NKAIN2: variants seen among roughly 807,000 people sequenced by gnomAD.
The protein encoded by NKAIN2 is sodium/potassium transporting ATPase interacting 2, also known as sodium/potassium-transporting ATPase subunit beta-1-interacting protein 2.
Under a neutral mutation model 32.6 loss-of-function variants are expected in NKAIN2, and 14 were observed. That is an observed-to-expected ratio of 0.43 (90% CI 0.28 to 0.67). NKAIN2 has a LOEUF of 0.67. Among genes scored for constraint, NKAIN2 ranks in the 30% least tolerant of loss-of-function variants. NKAIN2 has a pLI of 0.17. For synonymous variants in NKAIN2, 80 were observed against 87.2 expected, an observed-to-expected ratio of 0.92 and a Z score of 0.46; for missense variants, 198 against 258.3, an observed-to-expected ratio of 0.77 and a Z score of 1.60.
intron 2 of NKAIN2, among the ~76,000 whole-genome samples, chr6:124,341,849 C>A (rs922064421): frequency 2.6e-5 from 4 of 152,252 alleles, no homozygotes; most frequent in South Asian, 4.1e-4. Context: ...TGAATTAGAA[C>A]ACAAGATTTA....
chr6:124,408,579 A>G (rs1406321757), intron 3 of NKAIN2, among the ~76,000 whole-genome samples: 5 of 152,150 alleles, frequency 3.3e-5, no homozygotes, highest in Non-Finnish European at 5.9e-5. Context: ...TACCAGTACC[A>G]TGCTGTTTTG....
In NKAIN2 at chr6:123,991,946, C is replaced by G. The variant is rs1779431551; in HGVS notation, c.54+187692C>G. Among the ~76,000 whole-genome samples the G allele has an allele frequency of 2.6e-5, 4 of 151,722 alleles. No homozygotes were observed. In the South Asian group the frequency reaches 8.3e-4, roughly 32 times the overall value. On this transcript the variant is annotated intron_variant, in intron 1 of 6. Coordinates refer to ENST00000368417, the MANE Select transcript of NKAIN2 (RefSeq NM_001040214.3). ...AAGGGAGAGGAAAAAGTCTCATTTT[C>G]TTCTATAGGTTGGCTAGGTTAAAAA...
intron 1 of NKAIN2, among the ~76,000 whole-genome samples, chr6:124,066,384 G>A (rs1211429436): frequency 6.6e-6 from 1 of 151,930 alleles, no homozygotes; most frequent in Non-Finnish European, 1.5e-5. Flanking sequence ...TCCTTTTCTG[G>A]TTGTGGCTCC....
chr6:124,175,764 G>C (rs1789124709), intron 1 of NKAIN2, among the ~76,000 whole-genome samples: 1 of 151,760 alleles, frequency 6.6e-6, no homozygotes, highest in African/African-American at 2.4e-5. Flanking sequence ...AGCCTCACTG[G>C]GTTTTCAACA....
chr6:124,627,996 C>T (rs1209286975), intron 3 of NKAIN2, among the ~76,000 whole-genome samples: 1 of 152,176 alleles, frequency 6.6e-6, no homozygotes, highest in Non-Finnish European at 1.5e-5. Context: ...CATTCACATA[C>T]ATACACACGT....
intron 5 of NKAIN2, among the ~76,000 whole-genome samples, chr6:124,795,627 G>A (rs897240529): frequency 6.6e-6 from 1 of 152,144 alleles, no homozygotes; most frequent in African/African-American, 2.4e-5. Context: ...ATAAATGACA[G>A]AAATTTATTT....
intron 1 of NKAIN2, among the ~76,000 whole-genome samples, chr6:123,971,613 T>G (rs1017042640): frequency 6.6e-6 from 1 of 152,132 alleles, no homozygotes; most frequent in Non-Finnish European, 1.5e-5. Context: ...TAAAGTTATC[T>G]CCCTTAGGAA....
intron 1 of NKAIN2, among the ~76,000 whole-genome samples, chr6:124,224,557 A>G (rs1792008294): frequency 1.3e-5 from 2 of 152,068 alleles, no homozygotes; most frequent in South Asian, 4.1e-4. Flanking sequence ...ACTGTTCTGG[A>G]CAAAAATCAT....
intron 4 of NKAIN2, among the ~76,000 whole-genome samples, chr6:124,712,613 G>C (rs574691861): frequency 6.7e-6 from 1 of 149,054 alleles, no homozygotes; most frequent in Non-Finnish European, 1.5e-5. Flanking sequence ...TCTTTGAGTC[G>C]GAAAGGGAAC....
intron 1 of NKAIN2, among the ~76,000 whole-genome samples, chr6:124,166,343 C>G (rs1030046433): frequency 6.6e-6 from 1 of 152,108 alleles, no homozygotes; most frequent in Non-Finnish European, 1.5e-5. Context: ...TCATTTCCTT[C>G]GCCCACTTGT....
In NKAIN2 at chr6:124,658,361, A is replaced by G; in HGVS notation, c.449A>G (p.His150Arg). The change falls in exon 4 of 7, where the codon CAT becomes CGT. Residue 150 changes from histidine (H) to arginine (R), a missense_variant. By Grantham distance (29) the His-to-Arg change is conservative. Transcript: ENST00000368417. The part of the protein sequence containing the change: ...LLEYQYIEVA[H>R]SSLQIVLALA... ...GAGTACCAGTACATAGAAGTGGCTCATAGTTCCCTCCAGATTGTCCTCGCA... is the reference window on the plus strand; with the variant it reads ...GAGTACCAGTACATAGAAGTGGCTCGTAGTTCCCTCCAGATTGTCCTCGCA... 6.2e-7 allele frequency: 1 copy of G among 1,614,060 alleles called. No homozygotes were observed. Among genetic ancestry groups the G allele is most frequent in the Non-Finnish European group, 8.5e-7 (1 of 1,179,960 alleles).
At chr6:124,265,061 G>T (rs1794429143) in intron 1 of NKAIN2, among the ~76,000 whole-genome samples, 1 of 151,834 alleles carries the variant, frequency 6.6e-6, no homozygotes, top group Admixed American at 6.6e-5. Flanking sequence ...CTATATACGT[G>T]GATGTACACA....
At chr6:124,687,743 T>TATACACACACAC (rs1554251784) in intron 4 of NKAIN2, among the ~76,000 whole-genome samples, 142 of 104,370 alleles carry the variant, frequency 1.4e-3, no homozygotes, top group African/African-American at 3.5e-3. Flanking sequence ...ATATGATATA[T>TATACACACACAC]ACACACACAC....
At chr6:124,104,834 G>A (rs1345692902) in intron 1 of NKAIN2, among the ~76,000 whole-genome samples, 2 of 152,140 alleles carry the variant, frequency 1.3e-5, no homozygotes, top group Non-Finnish European at 2.9e-5. Flanking sequence ...TTTCTATGCA[G>A]CAGGATATCC....
At chr6:124,589,994 T>TG (rs1781850801) in intron 3 of NKAIN2, among the ~76,000 whole-genome samples, 1 of 152,190 alleles carries the variant, frequency 6.6e-6, no homozygotes, top group Non-Finnish European at 1.5e-5. Flanking sequence ...CTTTTGCTGT[T>TG]GGGTCCTCTC....
At position 124,291,586 on chromosome 6, in the gene NKAIN2, C is replaced by T. The variant is rs568678574; in HGVS notation, c.192+8444C>T. Among the ~76,000 whole-genome samples the T allele has an allele frequency of 1.8e-4, 28 of 152,064 alleles. No individual in the cohort carries two copies. In the South Asian group the frequency reaches 3.3e-3, roughly 18 times the overall value. The stretch of plus-strand genomic sequence containing the variant: ...AAATGCAATTGTCTTGAAACCCCTC[C>T]GCAGGAATCTCATCAAGCAGCCAGG... On this transcript the variant is annotated intron_variant, in intron 2 of 6. Transcript: ENST00000368417.
At chr6:124,091,288 T>G (rs539578787) in intron 1 of NKAIN2, among the ~76,000 whole-genome samples, 1 of 151,896 alleles carries the variant, frequency 6.6e-6, no homozygotes, top group Non-Finnish European at 1.5e-5. Flanking sequence ...AGCAGGCACA[T>G]GAAAACACTA....
chr6:124,145,679 G>T (rs2114359230), intron 1 of NKAIN2, among the ~76,000 whole-genome samples: 1 of 152,002 alleles, frequency 6.6e-6, no homozygotes, highest in African/African-American at 2.4e-5. Context: ...CTAATTTTTT[G>T]TATTTTTAGT....
At chr6:124,033,611 G>A (rs552536983) in intron 1 of NKAIN2, among the ~76,000 whole-genome samples, 65 of 152,144 alleles carry the variant, frequency 4.3e-4, no homozygotes, top group Non-Finnish European at 7.4e-4. Flanking sequence ...ATTGTTGATG[G>A]ACGATTTCAT....
Sources: gnomAD v4.1 joint callset for allele counts (sites outside exome capture counted in the v4.1 genomes callset) on GRCh38, gnomAD v4.1.1 for gene constraint, MANE v1.5 for transcripts, NCBI Gene and HGNC (gene_info 2026-07-23, HGNC 2026-07-21) for gene names.